TENM1: variants seen among roughly 807,000 people sequenced by gnomAD.
TENM1 encodes the protein teneurin-1.
Under a neutral mutation model 174.8 loss-of-function variants are expected in TENM1, and 35 were observed. The observed-to-expected ratio is 0.20, with a 90% CI of 0.15 to 0.27. The LOEUF (loss-of-function observed/expected upper bound fraction) is 0.27, where lower values mean the gene tolerates loss of function less well. TENM1 is among the 10% of genes least tolerant of loss of function. The probability of loss-of-function intolerance (pLI) is 1.00; values close to 1 mark genes in which losing one functional copy is unlikely to be tolerated. For missense variants in TENM1, 1,633 were observed against 2,130.1 expected (o/e 0.77, Z 4.59); for synonymous variants, 781 against 798.7 (o/e 0.98, Z 0.37).
At chrX:125,137,884 G>T in the TENM1 span, among the ~76,000 whole-genome samples, 1 of 111,722 alleles carries the variant, frequency 9.0e-6, no homozygotes, top group Non-Finnish European at 1.9e-5. Flanking sequence ...GTAAGGGAAG[G>T]TTATTAAGGT....
At chrX:125,164,731 G>A in the TENM1 span, among the ~76,000 whole-genome samples, 1 of 111,741 alleles carries the variant, frequency 8.9e-6, no homozygotes, top group Non-Finnish European at 1.9e-5. Context: ...ACTTCATTGA[G>A]TAAATAACAG....
intron 4 of TENM1, among the ~76,000 whole-genome samples, chrX:124,720,091 A>G (rs1316410250): frequency 8.9e-6 from 1 of 111,814 alleles, no homozygotes; most frequent in African/African-American, 3.3e-5. Flanking sequence ...GTCACTATAA[A>G]GGTGCAAACC....
intron 1 of TENM1, among the ~76,000 whole-genome samples, chrX:124,926,031 T>G (rs1027115163): frequency 1.4e-4 from 16 of 112,454 alleles, no homozygotes; most frequent in African/African-American, 5.2e-4. Flanking sequence ...TACTTTTAAA[T>G]GCTAATAACT....
intron 3 of TENM1, among the ~76,000 whole-genome samples, chrX:124,861,712 A>T (rs1207177755): frequency 8.9e-6 from 1 of 112,455 alleles, no homozygotes; most frequent in Non-Finnish European, 1.9e-5. Context: ...TGACATATTA[A>T]TTTAGGCAAT....
At chrX:124,654,821 C>A (rs186406149) in intron 6 of TENM1, among the ~76,000 whole-genome samples, 3 of 111,271 alleles carry the variant, frequency 2.7e-5, no homozygotes, top group Non-Finnish European at 5.7e-5. Context: ...TTAGAGCAGA[C>A]GGACACAAGA....
chrX:124,509,885 T>A (rs1341458587), intron 18 of TENM1, among the ~76,000 whole-genome samples: 1 of 106,290 alleles, frequency 9.4e-6, no homozygotes, highest in African/African-American at 3.7e-5. Context: ...CACGCCTGGC[T>A]AATTTTTTTT....
intron 4 of TENM1, among the ~76,000 whole-genome samples, chrX:124,727,961 T>C (rs1390905477): frequency 1.8e-5 from 2 of 111,516 alleles, no homozygotes; most frequent in African/African-American, 6.5e-5. Flanking sequence ...AGTTCTATTG[T>C]TTTCTTTTTT....
intron 23 of TENM1, among the ~76,000 whole-genome samples, chrX:124,428,202 G>A (rs2060740064): frequency 8.9e-6 from 1 of 111,923 alleles, no homozygotes; most frequent in Non-Finnish European, 1.9e-5. Context: ...GAGCATAAAG[G>A]AGCTCTTGGT....
the TENM1 span, among the ~76,000 whole-genome samples, chrX:125,158,401 CAAAAAAAAA>C: frequency 5.5e-5 from 2 of 36,537 alleles, no homozygotes; most frequent in South Asian, 2.7e-3. Context: ...GAATCCATCT[CAAAAAAAAA>C]AAAAAAAAAA....
At chrX:125,138,624 T>C in the TENM1 span, among the ~76,000 whole-genome samples, 3 of 110,861 alleles carry the variant, frequency 2.7e-5, no homozygotes, top group Non-Finnish European at 5.7e-5. Context: ...GCAAAACTAA[T>C]GTATGCTGTT....
At chrX:124,806,822 A>G (rs147337311) in intron 3 of TENM1, among the ~76,000 whole-genome samples, 1,577 of 111,154 alleles carry the variant, frequency 0.014, 16 homozygotes, top group South Asian at 0.022. Flanking sequence ...AAGCCAGGGT[A>G]TTATGTGGTG....
intron 5 of TENM1, among the ~76,000 whole-genome samples, chrX:124,684,319 G>A (rs888644222): frequency 4.5e-5 from 5 of 112,258 alleles, no homozygotes; most frequent in African/African-American, 1.6e-4. Flanking sequence ...GTGGAACACA[G>A]ACATAAAAAA....
At chrX:124,376,262 CATCTT>C (rs2060102500) in exon 32 of TENM1, 2 of 112,479 alleles carry the variant, frequency 1.8e-5, no homozygotes, top group Non-Finnish European at 1.9e-5. Flanking sequence ...ACACTGTAAA[CATCTT>C]TACTTTTCAT....
At chrX:125,138,518 T>C in the TENM1 span, among the ~76,000 whole-genome samples, 1 of 111,556 alleles carries the variant, frequency 9.0e-6, no homozygotes, top group Non-Finnish European at 1.9e-5. Context: ...ACATTAAGTG[T>C]GGGGAATGCC....
chrX:125,188,625 A>G, the TENM1 span, among the ~76,000 whole-genome samples: 1 of 112,032 alleles, frequency 8.9e-6, no homozygotes, highest in African/African-American at 3.2e-5. Context: ...TGCCATATTT[A>G]AAATGTAGTT....
At chrX:124,671,770 C>A (rs761729345) in exon 6 of TENM1, 9 of 1,208,809 alleles carry the variant, frequency 7.4e-6, no homozygotes, top group Non-Finnish European at 1.0e-5. Flanking sequence ...CCTTTGCTAA[C>A]TCCATTTGCA....
chrX:124,789,559 C>A (rs1244901650), intron 3 of TENM1, among the ~76,000 whole-genome samples: 1 of 111,373 alleles, frequency 9.0e-6, no homozygotes, highest in African/African-American at 3.3e-5. Context: ...CACCAGATAC[C>A]CTAAGTCATC....
the TENM1 span, among the ~76,000 whole-genome samples, chrX:125,008,039 C>T: frequency 9.0e-6 from 1 of 111,020 alleles, no homozygotes; most frequent in African/African-American, 3.3e-5. Context: ...CAATATTAAC[C>T]TTAAATTTAA....
intron 3 of TENM1, among the ~76,000 whole-genome samples, chrX:124,769,352 C>T (rs1325266322): frequency 9.0e-6 from 1 of 111,392 alleles, no homozygotes; most frequent in Non-Finnish European, 1.9e-5. Flanking sequence ...TCTTTTGTTG[C>T]CAGTTTTAAT....
Sources: gnomAD v4.1 joint callset for allele counts (sites outside exome capture counted in the v4.1 genomes callset) on GRCh38, gnomAD v4.1.1 for gene constraint, MANE v1.5 for transcripts, NCBI Gene and HGNC (gene_info 2026-07-23, HGNC 2026-07-21) for gene names.